The following POLA1 variants were observed in gnomAD, a reference collection of about 807,000 sequenced individuals.
POLA1 encodes DNA polymerase alpha 1, catalytic subunit.
A neutral mutation model predicts 124.0 loss-of-function variants in POLA1; 15 were observed. That is an observed-to-expected ratio of 0.12 (90% CI 0.08 to 0.19). The LOEUF is 0.19. Among genes scored for constraint, POLA1 ranks in the 10% least tolerant of loss-of-function variants. POLA1 has a pLI of 1.00. For synonymous variants in POLA1, 408 were observed against 389.4 expected, an observed-to-expected ratio of 1.05 and a Z score of -0.56; for missense variants, 886 against 1,103.4, an observed-to-expected ratio of 0.80 and a Z score of 2.79.
rs145735217 is a variant in POLA1 at position 24,896,432 on chromosome X, G to T, written c.4164+8310G>T. Among the ~76,000 whole-genome samples the T allele has an allele frequency of 3.1e-3, 343 of 111,585 alleles. 2 individuals are homozygous for T. Among genetic ancestry groups the T allele is most frequent in the African/African-American group, 0.01 (317 of 30,532 alleles). ...TTTGTAAACTTTCTTAAAACATGAG[G>T]TTTCTTTTTTGTTTTGGTTTTTGGT... On this transcript the variant is annotated intron_variant, in intron 35 of 36. Transcript: ENST00000379068.
intron 32 of POLA1, among the ~76,000 whole-genome samples, chrX:24,830,070 TTTAG>T (rs747662190): frequency 8.9e-6 from 1 of 112,432 alleles, no homozygotes; most frequent in South Asian, 3.7e-4. Flanking sequence ...ACTTTGTCCT[TTTAG>T]TTAGTACAAA....
intron 35 of POLA1, among the ~76,000 whole-genome samples, chrX:24,925,199 G>T (rs1051097944): frequency 8.9e-6 from 1 of 111,879 alleles, no homozygotes; most frequent in Non-Finnish European, 1.9e-5. Flanking sequence ...GTGTTTGGGG[G>T]TACGTTTTGG....
intron 5 of POLA1, 80 bp downstream of exon 5, chrX:24,714,749 C>A: frequency 5.5e-6 from 3 of 544,416 alleles, no homozygotes; most frequent in Non-Finnish European, 6.0e-6. Flanking sequence ...ATAACAGGTG[C>A]TCTGTATATA....
intron 36 of POLA1, among the ~76,000 whole-genome samples, chrX:24,931,241 A>T (rs774452214): frequency 1.3e-4 from 15 of 111,555 alleles, no homozygotes; most frequent in African/African-American, 3.9e-4. Context: ...TGTGAAAAAT[A>T]AAAAAGGCAG....
At chrX:24,743,145 G>A (rs1931776361) in intron 22 of POLA1, 85 bp from the exon 23 acceptor site, 3 of 515,175 alleles carry the variant, frequency 5.8e-6, no homozygotes, top group African/African-American at 4.8e-5. Flanking sequence ...ACTAAGTCCT[G>A]CAATTGGAAA....
At chrX:24,977,803 G>A (rs2048382004) in intron 36 of POLA1, among the ~76,000 whole-genome samples, 1 of 111,920 alleles carries the variant, frequency 8.9e-6, no homozygotes, top group African/African-American at 3.2e-5. Context: ...AGGATTAGCT[G>A]GCTTCGGGCA....
chrX:24,748,262 T>A, intron 24 of POLA1, 49 bp from the exon 25 acceptor site: 1 of 1,021,672 alleles, frequency 9.8e-7, no homozygotes, highest in Non-Finnish European at 1.3e-6. Context: ...CTGTAGAAAT[T>A]TATTTCGCAA....
At chrX:24,760,222 A>AT (rs779537945) in intron 26 of POLA1, among the ~76,000 whole-genome samples, 3 of 111,011 alleles carry the variant, frequency 2.7e-5, no homozygotes, top group Admixed American at 9.6e-5. Context: ...CTCCCATATA[A>AT]TTTTTTTTTC....
Position 24,856,470 on chromosome X carries a change from T to C in POLA1, c.4047+12793T>C, listed in dbSNP as rs186693919. On this transcript the variant is annotated intron_variant, in intron 34 of 36. Coordinates refer to ENST00000379068, the MANE Select transcript of POLA1 (RefSeq NM_001330360.2). Reference sequence around the variant, plus strand: ...GCTATAAACATTCACGTACAGGTATTTTGTCAGTGCGTAAGTTTTCATTTC... The same window carrying C: ...GCTATAAACATTCACGTACAGGTATCTTGTCAGTGCGTAAGTTTTCATTTC... Among the ~76,000 whole-genome samples, 4 of 112,060 alleles carry C rather than the reference T, an allele frequency of 3.6e-5. No homozygotes were observed. In the East Asian group the frequency reaches 1.1e-3, roughly 31 times the overall value.
intron 34 of POLA1, among the ~76,000 whole-genome samples, chrX:24,857,922 A>C (rs914222126): frequency 1.8e-5 from 2 of 111,749 alleles, no homozygotes; most frequent in African/African-American, 6.5e-5. Context: ...TTAAAAATAC[A>C]TGTTAATGAA....
chrX:24,881,564 G>A (rs955089117), intron 34 of POLA1, among the ~76,000 whole-genome samples: 5 of 111,529 alleles, frequency 4.5e-5, no homozygotes, highest in Non-Finnish European at 9.4e-5. Context: ...TGTATTCTTC[G>A]TTGATTGTGA....
At chrX:24,764,298 T>C (rs146380648) in intron 26 of POLA1, among the ~76,000 whole-genome samples, 2 of 112,373 alleles carry the variant, frequency 1.8e-5, no homozygotes, top group East Asian at 2.8e-4. Context: ...TTCTCTTGTT[T>C]AATGCTTAGC....
At chrX:24,846,363 T>C (rs1012778730) in intron 34 of POLA1, among the ~76,000 whole-genome samples, 4 of 111,734 alleles carry the variant, frequency 3.6e-5, no homozygotes, top group Non-Finnish European at 7.5e-5. Flanking sequence ...AATATATTAA[T>C]TTCTTTAGGA....
rs200707248 is a variant in POLA1, at chrX:24,953,470, T to TA, written c.4261+22923dup. Among the ~76,000 whole-genome samples the TA allele has an allele frequency of 1.0e-3, 113 of 111,633 alleles. 1 individual carries two copies. In the East Asian group the frequency reaches 0.03, roughly 30 times the overall value. On this transcript the variant is annotated intron_variant, in intron 36 of 36. Transcript: ENST00000379068. ...ATAGAAGTGGATAGGAAGTTCTTTC[T>TA]AAGAAGCTGGTGTTTAAGCTGAGAC...
chrX:24,958,385 C>T (rs1010236544), intron 36 of POLA1, among the ~76,000 whole-genome samples: 1 of 111,945 alleles, frequency 8.9e-6, no homozygotes, highest in Non-Finnish European at 1.9e-5. Context: ...TTCCTAGTTA[C>T]GAAACCCAAT....
At chrX:24,939,860 G>A (rs1022082013) in intron 36 of POLA1, among the ~76,000 whole-genome samples, 28 of 111,886 alleles carry the variant, frequency 2.5e-4, no homozygotes, top group African/African-American at 9.1e-4. Context: ...GGAAAGGGCA[G>A]TTCTTTCTTA....
At chrX:24,893,229 C>G (rs1348011462) in intron 35 of POLA1, among the ~76,000 whole-genome samples, 1 of 111,517 alleles carries the variant, frequency 9.0e-6, no homozygotes, top group East Asian at 2.8e-4. Context: ...AAGTCTTAAA[C>G]CTAGTCATTG....
chrX:24,981,979 A>G (rs1475042660), intron 36 of POLA1, among the ~76,000 whole-genome samples: 1 of 111,179 alleles, frequency 9.0e-6, no homozygotes, highest in Non-Finnish European at 1.9e-5. Context: ...TTATTTGGCA[A>G]TTTTCTCTTT....
intron 34 of POLA1, among the ~76,000 whole-genome samples, chrX:24,878,735 A>G (rs1364830456): frequency 1.8e-5 from 2 of 110,625 alleles, no homozygotes; most frequent in Non-Finnish European, 3.8e-5. Flanking sequence ...ATTTAGTAAA[A>G]AAAAAAAAAA....
Sources: gnomAD v4.1 joint callset for allele counts (sites outside exome capture counted in the v4.1 genomes callset) on GRCh38, gnomAD v4.1.1 for gene constraint, MANE v1.5 for transcripts, NCBI Gene and HGNC (gene_info 2026-07-23, HGNC 2026-07-21) for gene names.